Variants in LEF1 observed in about 807,000 individuals in gnomAD.
LEF1 encodes the protein lymphoid enhancer-binding factor 1.
Under a neutral mutation model 51.2 loss-of-function variants are expected in LEF1, and 14 were observed. The ratio of observed to expected loss-of-function variants is 0.27; its 90% confidence interval spans 0.18 to 0.43. The LOEUF is 0.43. LEF1 is among the 20% of genes least tolerant of loss of function. The pLI is 1.00. For missense variants in LEF1, 386 were observed against 512.0 expected (o/e 0.75, Z 2.37); for synonymous variants, 185 against 183.2 (o/e 1.01, Z -0.08).
rs1391831569 is a variant in LEF1, at chr4:108,047,740, A to C, written c.*1018T>G. 6.5e-6 allele frequency: 1 copy of C among 152,684 alleles called. No homozygotes were observed. The highest frequency in any genetic ancestry group is 1.5e-5 in the Non-Finnish European group (1 of 68,054). 9.5% of individuals were successfully genotyped at this position (152,684 alleles called of 1,614,324 possible). On this transcript the variant is annotated 3_prime_UTR_variant, in exon 12 of 12. Transcript: ENST00000265165. ...ATCCCACTAATTGGCTAATAAAAAC[A>C]GATACAAATACAGAACATTTAAAGT...
chr4:108,078,400 T>C lies in LEF1; in HGVS notation c.846-18A>G. On this transcript the variant is annotated intron_variant, in intron 7 of 11. Coordinates refer to ENST00000265165, the MANE Select transcript of LEF1 (RefSeq NM_016269.5). ...GAGGCTTCCTAAAAGGTGGTGGTGGTGGTGGTTAGGGGAAGGGGTTGAAGG... is the reference window on the plus strand; with the variant it reads ...GAGGCTTCCTAAAAGGTGGTGGTGGCGGTGGTTAGGGGAAGGGGTTGAAGG... 4.3e-6 allele frequency: 7 copies of C among 1,613,870 alleles called. No individual in the cohort carries two copies. The highest frequency in any genetic ancestry group is 5.9e-6 in the Non-Finnish European group (7 of 1,179,968).
chr4:108,061,631 ATTTT>A (rs1166767728), intron 11 of LEF1, among the ~76,000 whole-genome samples: 3 of 84,868 alleles, frequency 3.5e-5, no homozygotes, highest in Non-Finnish European at 8.2e-5. Flanking sequence ...AATTAAAACA[ATTTT>A]TTTTTTCAAA....
chr4:108,112,400 T>C (rs1466589467), intron 3 of LEF1, among the ~76,000 whole-genome samples: 3 of 152,120 alleles, frequency 2.0e-5, no homozygotes, highest in Non-Finnish European at 4.4e-5. Context: ...AAATGTCCCT[T>C]GCAATGCCAT....
chr4:108,163,798 A>G, intron 2 of LEF1, 97 bp from the exon 3 acceptor site: 2 of 1,258,456 alleles, frequency 1.6e-6, no homozygotes, highest in Non-Finnish European at 2.2e-6. Context: ...GATAAATCAG[A>G]CCCTACATAA....
intron 3 of LEF1, among the ~76,000 whole-genome samples, chr4:108,127,998 TTA>T (rs1445741347): frequency 6.6e-6 from 1 of 152,230 alleles, no homozygotes; most frequent in African/African-American, 2.4e-5. Context: ...GGAGGTTTGC[TTA>T]TGTGTTATAT....
chr4:108,109,573 A>G (rs1032907833), intron 3 of LEF1, among the ~76,000 whole-genome samples: 1 of 152,218 alleles, frequency 6.6e-6, no homozygotes, highest in African/African-American at 2.4e-5. Flanking sequence ...TTTGCAAACC[A>G]CTTAGAACAG....
intron 7 of LEF1, 65 bp downstream of exon 7, chr4:108,079,427 G>T: frequency 6.4e-7 from 1 of 1,550,720 alleles, no homozygotes; most frequent in South Asian, 1.1e-5. Flanking sequence ...TGTTGCAAAG[G>T]AGCAACAGTG....
At chr4:108,111,377 C>T (rs1429926802) in intron 3 of LEF1, among the ~76,000 whole-genome samples, 1 of 152,166 alleles carries the variant, frequency 6.6e-6, no homozygotes, top group Non-Finnish European at 1.5e-5. Flanking sequence ...GGGGACCCAG[C>T]CAATGAACTG....
rs192043735 is a variant in LEF1 at position 108,081,318 on chromosome 4, C to T, written c.722+268G>A. Among the ~76,000 whole-genome samples the T allele has an allele frequency of 1.5e-3, 232 of 152,142 alleles. 3 individuals are homozygous for T. The highest frequency in any genetic ancestry group is 1.4e-3 in the East Asian group (7 of 5,164). The stretch of plus-strand genomic sequence containing the variant: ...GGACAGTTCCCATCCCACAGTCAGG[C>T]GGCCATGAATTTGTTTGGAGGCAAC... On this transcript the variant is annotated intron_variant, in intron 6 of 11. Coordinates refer to ENST00000265165, the MANE Select transcript of LEF1 (RefSeq NM_016269.5).
chr4:108,122,233 G>T (rs765342599), intron 3 of LEF1, among the ~76,000 whole-genome samples: 1 of 152,126 alleles, frequency 6.6e-6, no homozygotes, highest in African/African-American at 2.4e-5. Flanking sequence ...ATTTGTCTTT[G>T]TGGTTCTGGT....
At chr4:108,074,630 A>G (rs1179075220) in intron 8 of LEF1, among the ~76,000 whole-genome samples, 6 of 152,220 alleles carry the variant, frequency 3.9e-5, no homozygotes, top group African/African-American at 7.2e-5. Flanking sequence ...CAGAGACTTT[A>G]AAGAGCTAGC....
At position 108,053,616 on chromosome 4, in the gene LEF1, T is replaced by G. The variant is rs377263645; in HGVS notation, c.*7-4865A>C. ...AGACAAGCCTGTGACCGTTAATGAA[T>G]TACTCCAGGGGAATTTTTCTGTAGC... On this transcript the variant is annotated intron_variant, in intron 11 of 11. Transcript: ENST00000265165. 5.3e-5 allele frequency among the ~76,000 whole-genome samples: 8 copies of G among 152,318 alleles called. No individual in the cohort carries two copies. The East Asian group carries it at 9.7e-4, about 18-fold the overall frequency.
chr4:108,138,506 TAC>T lies in LEF1; in HGVS notation c.414+25060_414+25061del, dbSNP rs79489271. 8.7e-3 allele frequency among the ~76,000 whole-genome samples: 1,306 copies of T among 150,266 alleles called. 15 individuals carry two copies. Among genetic ancestry groups the T allele is most frequent in the African/African-American group, 0.03 (1,216 of 41,112 alleles). On this transcript the variant is annotated intron_variant, in intron 3 of 11. Coordinates refer to ENST00000265165, the MANE Select transcript of LEF1 (RefSeq NM_016269.5). ...ATGTACAGGTGTGTATGTGTGTGTA[TAC>T]ACACACACACACACACACACGAGTA...
intron 3 of LEF1, among the ~76,000 whole-genome samples, chr4:108,119,203 C>T (rs576172932): frequency 8.0e-5 from 12 of 149,388 alleles, no homozygotes; most frequent in African/African-American, 3.0e-4. Context: ...TGGAAAATCA[C>T]ATATTGAGGA....
chr4:108,136,460 A>T (rs1156831314), intron 3 of LEF1, among the ~76,000 whole-genome samples: 1 of 138,338 alleles, frequency 7.2e-6, no homozygotes, highest in Non-Finnish European at 1.5e-5. Flanking sequence ...ATCTCCTTAA[A>T]TTTCCTTTTT....
intron 3 of LEF1, among the ~76,000 whole-genome samples, chr4:108,146,309 G>T (rs1209567361): frequency 1.3e-5 from 2 of 152,216 alleles, no homozygotes; most frequent in African/African-American, 4.8e-5. Flanking sequence ...AGTAGGTATG[G>T]CTTGGTGTTC....
intron 3 of LEF1, among the ~76,000 whole-genome samples, chr4:108,109,479 G>A (rs754995892): frequency 4.6e-5 from 7 of 152,290 alleles, no homozygotes; most frequent in Non-Finnish European, 8.8e-5. Flanking sequence ...CCATCTCCAT[G>A]TGCCTAGTTT....
Position 108,048,805 on chromosome 4 carries a change from G to T in LEF1, c.*7-54C>A, listed in dbSNP as rs371604649. On this transcript the variant is annotated intron_variant, in intron 11 of 11. Coordinates refer to ENST00000265165, the MANE Select transcript of LEF1 (RefSeq NM_016269.5). ...AATATGAATTTGCCGTAGGCCTTAA[G>T]ATTATAACCTCTATTCCATACCATA... 7.8e-6 allele frequency: 10 copies of T among 1,274,710 alleles called. No homozygotes were observed. In the African/African-American group the frequency reaches 1.0e-4, roughly 13 times the overall value. The allele number at this position is 1,274,710 out of a possible 1,614,324, so 79.0% of individuals were successfully genotyped here.
At chr4:108,142,479 A>T (rs1242997890) in intron 3 of LEF1, among the ~76,000 whole-genome samples, 1 of 152,148 alleles carries the variant, frequency 6.6e-6, no homozygotes, top group Non-Finnish European at 1.5e-5. Context: ...ATACATCAAC[A>T]CTAGTATCCT....
Sources: gnomAD v4.1 joint callset for allele counts (sites outside exome capture counted in the v4.1 genomes callset) on GRCh38, gnomAD v4.1.1 for gene constraint, MANE v1.5 for transcripts, NCBI Gene and HGNC (gene_info 2026-07-23, HGNC 2026-07-21) for gene names.